The following TMX2 variants were observed in gnomAD, a reference collection of about 807,000 sequenced individuals.
The protein encoded by TMX2 is thioredoxin-related transmembrane protein 2.
Under a neutral mutation model 33.4 loss-of-function variants are expected in TMX2, and 20 were observed. That is an observed-to-expected ratio of 0.60 (90% CI 0.42 to 0.87). The LOEUF is 0.87. TMX2 is among the 40% of genes least tolerant of loss of function. TMX2 has a pLI of 0.00. For missense variants in TMX2, 340 were observed against 370.7 expected (o/e 0.92, Z 0.68); for synonymous variants, 166 against 140.7 (o/e 1.18, Z -1.27).
At chr11:57,728,814 C>T (rs1448358537) in intron 1 of TMX2, among the ~76,000 whole-genome samples, 3 of 152,054 alleles carry the variant, frequency 2.0e-5, no homozygotes, top group Admixed American at 2.0e-4. Context: ...TGACTGGGGG[C>T]TTTGTGGGAG....
intron 1 of TMX2, among the ~76,000 whole-genome samples, chr11:57,717,277 C>A (rs1351648288): frequency 7.9e-5 from 12 of 152,056 alleles, no homozygotes; most frequent in African/African-American, 2.7e-4. Context: ...CAGGCAGAGA[C>A]GCTCCTCACT....
Position 57,719,082 on chromosome 11 carries a change from C to T in TMX2, c.189+6275C>T, listed in dbSNP as rs575003377. ...AGACAGAGTCTCACTGTCACCCAGG[C>T]TGGAGTGCAGTGGTGCAATCTTGGC... On this transcript the variant is annotated intron_variant, in intron 1 of 7. Coordinates refer to ENST00000278422, the MANE Select transcript of TMX2 (RefSeq NM_015959.4). Among the ~76,000 whole-genome samples the T allele has an allele frequency of 1.9e-4, 25 of 134,658 alleles. 1 individual carries two copies. The East Asian group carries it at 3.1e-3, about 17-fold the overall frequency. The allele number at this position is 134,658 out of a possible 152,430, so 88.3% of individuals were successfully genotyped here.
intron 1 of TMX2, among the ~76,000 whole-genome samples, chr11:57,725,450 A>C (rs951107263): frequency 6.6e-6 from 1 of 152,098 alleles, no homozygotes; most frequent in Admixed American, 6.6e-5. Context: ...AATTAGGTCA[A>C]GATTGGCTGG....
intron 3 of TMX2, 128 bp downstream of exon 3, chr11:57,738,154 A>G (rs1948865727): frequency 1.3e-6 from 1 of 766,072 alleles, no homozygotes; most frequent in Non-Finnish European, 2.1e-6. Context: ...TCCATATCTC[A>G]TACCTAATGA....
chr11:57,737,734 T>C lies in TMX2; in HGVS notation c.250+66T>C, dbSNP rs982071848. 2.9e-5 allele frequency: 45 copies of C among 1,576,568 alleles called. No homozygotes were observed. In the African/African-American group the frequency reaches 5.8e-4, roughly 20 times the overall value. Reference sequence around the variant, plus strand: ...TGCCCTTTGGAGGTGCTTTGCTTCATGTTAAGAGAGTGGCAATCATTTGGT... The same window carrying C: ...TGCCCTTTGGAGGTGCTTTGCTTCACGTTAAGAGAGTGGCAATCATTTGGT... On this transcript the variant is annotated intron_variant, in intron 2 of 7. Coordinates refer to ENST00000278422, the MANE Select transcript of TMX2 (RefSeq NM_015959.4).
In TMX2 at chr11:57,715,586, C is replaced by CTTTTTTTTTTTTTTTTTTTTTTT. The variant is rs367827761; in HGVS notation, c.189+2789_189+2790insTTTTTTTTTTTTTTTTTTTTTTT. On this transcript the variant is annotated intron_variant, in intron 1 of 7. Coordinates refer to ENST00000278422, the MANE Select transcript of TMX2 (RefSeq NM_015959.4). ...TTTATAACCTCTTAGAATTTGTTTT[C>CTTTTTTTTTTTTTTTTTTTTTTT]TTTTTTTTTTCTTTTATTGATCATT... Among the ~76,000 whole-genome samples the CTTTTTTTTTTTTTTTTTTTTTTT allele has an allele frequency of 3.6e-4, 47 of 130,076 alleles. 2 individuals carry two copies. The highest frequency in any genetic ancestry group is 1.5e-3 in the East Asian group (6 of 4,122). The allele number at this position is 130,076 out of a possible 152,430, so 85.3% of individuals were successfully genotyped here. A position where few individuals can be genotyped will look rare whatever the true frequency, so the allele number is the denominator to read the frequency against.
Position 57,716,366 on chromosome 11 carries a change from G to A in TMX2, c.189+3559G>A, listed in dbSNP as rs544196056. 9.2e-3 allele frequency among the ~76,000 whole-genome samples: 741 copies of A among 80,460 alleles called. 30 individuals carry two copies. The highest frequency in any genetic ancestry group is 0.026 in the African/African-American group (703 of 27,154). 52.8% of individuals were successfully genotyped at this position (80,460 alleles called of 152,430 possible). On this transcript the variant is annotated intron_variant, in intron 1 of 7. Transcript: ENST00000278422. ...GGGCTGACCCCCACACCTCCCTCCC[G>A]GACGGGGCGGCTGGCCGGGCGAGGG...
In TMX2 at chr11:57,740,567, T is replaced by A. The variant is rs528255390; in HGVS notation, c.*322T>A. ...CATCTCCATGGTTTCTCCATGAAAC[T>A]CTGTGGTTTCATCATTCCTTCTTAG... On this transcript the variant is annotated 3_prime_UTR_variant, in exon 8 of 8. Coordinates refer to ENST00000278422, the MANE Select transcript of TMX2 (RefSeq NM_015959.4). 5.9e-5 allele frequency: 13 copies of A among 221,500 alleles called. No homozygotes were observed. The East Asian group carries it at 1.2e-3, about 20-fold the overall frequency. 13.7% of individuals were successfully genotyped at this position (221,500 alleles called of 1,614,324 possible).
chr11:57,738,238 T>C (rs1163801182), intron 3 of TMX2, 116 bp from the exon 4 acceptor site: 1 of 820,272 alleles, frequency 1.2e-6, no homozygotes, highest in Non-Finnish European at 2.0e-6. Context: ...GTTGGTGGTC[T>C]ACATATATCC....
chr11:57,714,887 G>A (rs556604640), intron 1 of TMX2, among the ~76,000 whole-genome samples: 14 of 151,868 alleles, frequency 9.2e-5, no homozygotes, highest in African/African-American at 2.7e-4. Flanking sequence ...GAGCCACTGC[G>A]CCAAGCTAAA....
chr11:57,717,751 G>GAGGGAC (rs1947270326), intron 1 of TMX2, among the ~76,000 whole-genome samples: 1 of 145,402 alleles, frequency 6.9e-6, no homozygotes, highest in African/African-American at 2.6e-5. Context: ...GGAGAGGGGA[G>GAGGGAC]AGGGAGAGGC....
Position 57,712,710 on chromosome 11 carries a change from T to C in TMX2, c.92T>C (p.Leu31Pro), listed in dbSNP as rs1173782196. The C allele has an allele frequency of 2.5e-6, 4 of 1,614,194 alleles. No individual in the cohort carries two copies. The highest frequency in any genetic ancestry group is 3.4e-6 in the Non-Finnish European group (4 of 1,180,028). ...CAACCTTACTACCTTCTGTCGGCCC[T>C]GCTCTCTGCTGCCTTCCTACTCGTG... is the stretch of plus-strand genomic sequence containing the variant. ...LAQPYYLLSALLSAAFLLVRK... is the reference protein window; with the variant it reads ...LAQPYYLLSAPLSAAFLLVRK... The change falls in exon 1 of 8, where the codon CTG becomes CCG. Residue 31 changes from leucine to proline, a missense_variant. By Grantham distance (98) the Leu-to-Pro change is moderately conservative (BLOSUM62 -3). This residue lies in a region of TMX2 where 106 missense variants were observed against 82.7 expected (regional missense o/e 1.28). Coordinates refer to ENST00000278422, the MANE Select transcript of TMX2 (RefSeq NM_015959.4).
intron 2 of TMX2, 37 bp from the exon 3 acceptor site, chr11:57,737,876 A>C (rs1449918671): frequency 3.1e-6 from 5 of 1,614,094 alleles, no homozygotes; most frequent in Non-Finnish European, 4.2e-6. Context: ...ATAGGAGTGC[A>C]CAGCCCAGCC....
chr11:57,717,077 A>G (rs1188743611), intron 1 of TMX2, among the ~76,000 whole-genome samples: 12 of 145,288 alleles, frequency 8.3e-5, no homozygotes, highest in African/African-American at 3.2e-4. Flanking sequence ...GCGGCGGGGC[A>G]GAGGCGCTCC....
intron 3 of TMX2, 79 bp downstream of exon 3, chr11:57,738,105 A>G: frequency 8.7e-7 from 1 of 1,155,228 alleles, no homozygotes; most frequent in South Asian, 1.5e-5. Context: ...CCACAGTCCC[A>G]ACAGTTGCAA....
chr11:57,723,805 AAAT>A (rs71061533), intron 1 of TMX2, among the ~76,000 whole-genome samples: 66 of 142,360 alleles, frequency 4.6e-4, no homozygotes, highest in Middle Eastern at 3.7e-3. Flanking sequence ...TCTGTCTCAA[AAAT>A]AATAATAATA....
intron 1 of TMX2, among the ~76,000 whole-genome samples, chr11:57,723,356 A>G (rs192403384): frequency 6.8e-6 from 1 of 147,028 alleles, no homozygotes; most frequent in Non-Finnish European, 1.5e-5. Flanking sequence ...GGTGGTATGC[A>G]CCTGTAATCC....
chr11:57,720,520 C>T (rs191883067), intron 1 of TMX2, among the ~76,000 whole-genome samples: 72 of 152,364 alleles, frequency 4.7e-4, no homozygotes, highest in Admixed American at 4.6e-3. Flanking sequence ...CATACCTCAA[C>T]CTCCTGAGTA....
At chr11:57,723,998 T>C (rs1249760585) in intron 1 of TMX2, among the ~76,000 whole-genome samples, 1 of 151,878 alleles carries the variant, frequency 6.6e-6, no homozygotes, top group Non-Finnish European at 1.5e-5. Flanking sequence ...CAAGTAACTA[T>C]TTAAAACCAA....
Sources: gnomAD v4.1 joint callset for allele counts (sites outside exome capture counted in the v4.1 genomes callset) on GRCh38, gnomAD v4.1.1 for gene constraint, gnomAD v4.1.1 regional missense constraint, MANE v1.5 for transcripts, NCBI Gene and HGNC (gene_info 2026-07-23, HGNC 2026-07-21) for gene names.